PDE2A: variants seen among roughly 807,000 people sequenced by gnomAD.
PDE2A encodes phosphodiesterase 2A.
PDE2A carries 53 observed loss-of-function variants against 133.6 expected under a neutral mutation model. The ratio of observed to expected loss-of-function variants is 0.40; its 90% CI spans 0.32 to 0.50. The LOEUF (loss-of-function observed/expected upper bound fraction) is 0.50. PDE2A is among the 20% of genes least tolerant of loss of function. The probability of loss-of-function intolerance (pLI) is 0.73; values close to 1 mark genes in which losing one functional copy is unlikely to be tolerated. For synonymous variants in PDE2A, 491 were observed against 490.2 expected (o/e 1.00, Z -0.02); for missense variants, 796 against 1,232.4 (o/e 0.65, Z 5.30).
chr11:72,578,458 G>A lies in PDE2A; in HGVS notation c.2508+18C>T. On this transcript the variant is annotated intron_variant, in intron 29 of 30. Coordinates refer to ENST00000334456, the MANE Select transcript of PDE2A (RefSeq NM_002599.5). This position sits in a 1 kb window ranked among gnomAD's most constrained non-coding sequence, Gnocchi z 4.2. ...ACCCTCCCCCATCCTGGACATCCTG[G>A]GGTCACTCCACACATACCAGGTCTC... 1 of 1,611,054 alleles carries A rather than the reference G, an allele frequency of 6.2e-7. No homozygotes were observed. The highest frequency in any genetic ancestry group is 8.5e-7 in the Non-Finnish European group (1 of 1,177,218).
At chr11:72,651,149 G>A (rs1051033687) in intron 1 of PDE2A, among the ~76,000 whole-genome samples, 13 of 152,286 alleles carry the variant, frequency 8.5e-5, no homozygotes, top group African/African-American at 2.9e-4. Flanking sequence ...CAAAAAGTCT[G>A]TTTTTCTTAC....
intron 20 of PDE2A, among the ~76,000 whole-genome samples, chr11:72,583,134 G>A (rs531974162): frequency 3.9e-5 from 6 of 152,340 alleles, no homozygotes; most frequent in Admixed American, 2.6e-4. Context: ...TCCTGGGTGA[G>A]CTTCCTAGCC....
chr11:72,615,094 C>T (rs746593019), intron 2 of PDE2A: 6 of 518,036 alleles, frequency 1.2e-5, no homozygotes, highest in African/African-American at 3.9e-5. Flanking sequence ...CTCCAGCCTC[C>T]GAGCCACACT....
chr11:72,617,922 G>A (rs1857555769), intron 2 of PDE2A, among the ~76,000 whole-genome samples: 1 of 152,200 alleles, frequency 6.6e-6, no homozygotes, highest in Non-Finnish European at 1.5e-5. Flanking sequence ...GTTGGGATAA[G>A]CAATCTTCTG....
At chr11:72,596,742 CAA>C (rs1424686540) in intron 5 of PDE2A, 94 bp from the exon 6 acceptor site, 1 of 689,744 alleles carries the variant, frequency 1.4e-6, no homozygotes, top group African/African-American at 1.9e-5. Flanking sequence ...AAGATGCAGA[CAA>C]AGAGAGGCCA....
rs921230420 is a variant in PDE2A, at chr11:72,577,156, A to G, written c.*228T>C. 9.2e-6 allele frequency: 5 copies of G among 543,646 alleles called. No homozygotes were observed. The Admixed American group carries it at 1.6e-4, about 17-fold the overall frequency. 33.7% of individuals were successfully genotyped at this position (543,646 alleles called of 1,614,324 possible). A position where few individuals can be genotyped will look rare whatever the true frequency, so the allele number is the denominator to read the frequency against. ...GAGTAGGGCCCACTGCTCATTGGTC[A>G]CCCCTGTGCTCTCAGAAAACAAATT... On this transcript the variant is annotated 3_prime_UTR_variant, in exon 31 of 31. Transcript: ENST00000334456.
intron 1 of PDE2A, among the ~76,000 whole-genome samples, chr11:72,658,854 GT>G (rs2135455667): frequency 6.6e-6 from 1 of 151,754 alleles, no homozygotes; most frequent in South Asian, 2.1e-4. Flanking sequence ...TCAGCACCGA[GT>G]CTTCTAATTT....
intron 1 of PDE2A, 124 bp downstream of exon 1, chr11:72,674,013 A>C: frequency 1.1e-6 from 1 of 938,590 alleles, no homozygotes; most frequent in Non-Finnish European, 1.6e-6. Flanking sequence ...GTGCCCAGGA[A>C]CAGGATCGAT....
intron 4 of PDE2A, among the ~76,000 whole-genome samples, chr11:72,599,385 C>A (rs1283728008): frequency 6.6e-6 from 1 of 152,078 alleles, no homozygotes; most frequent in Non-Finnish European, 1.5e-5. Context: ...GGCCCAGGGA[C>A]CCCCATACCA....
chr11:72,617,396 C>G (rs113695240), intron 2 of PDE2A, among the ~76,000 whole-genome samples: 2,810 of 152,220 alleles, frequency 0.018, 97 homozygotes, highest in African/African-American at 0.063. Flanking sequence ...GCTGGCTGCC[C>G]GGTGATGCCT....
At position 72,584,240 on chromosome 11, in the gene PDE2A, C is replaced by A; in HGVS notation, c.1611G>T (p.Ala537=). 1 of 1,612,564 alleles carries A rather than the reference C, an allele frequency of 6.2e-7. No homozygotes were observed. Among genetic ancestry groups the A allele is most frequent in the Admixed American group, 1.7e-5 (1 of 59,992 alleles). ...PWFSKFDEDL[A]TAFSIYCGIS... is the part of the protein sequence containing the mutation. Reference sequence around the variant, plus strand: ...TGCCGCAGTAGATGGAGAAGGCCGTCGCCAGGTCCTCGTCGAACTTGCTGA... The same window carrying A: ...TGCCGCAGTAGATGGAGAAGGCCGTAGCCAGGTCCTCGTCGAACTTGCTGA... The change falls in exon 19 of 31, where the codon GCG becomes GCT. Residue 537 remains alanine, a synonymous_variant. Coordinates refer to ENST00000334456, the MANE Select transcript of PDE2A (RefSeq NM_002599.5).
chr11:72,588,819 G>T lies in PDE2A; in HGVS notation c.1035C>A (p.Ala345=), dbSNP rs1207623943. The change falls in exon 13 of 31, where the codon GCC becomes GCA. Residue 345 remains alanine, a synonymous_variant. Transcript: ENST00000334456. ...CTAGCTTGTTGAAGGCGCAGGCCAAGGCCACCACCTGGTCAGTGGCCCGGC... is the reference window on the plus strand; with the variant it reads ...CTAGCTTGTTGAAGGCGCAGGCCAATGCCACCACCTGGTCAGTGGCCCGGC... ...VISRATDQVV[A]LACAFNKLEG... 1 of 1,610,136 alleles carries T rather than the reference G, an allele frequency of 6.2e-7. No homozygotes were observed. Among genetic ancestry groups the T allele is most frequent in the South Asian group, 1.1e-5 (1 of 90,874 alleles).
Position 72,582,433 on chromosome 11 carries a change from G to A in PDE2A, c.1851+11C>T. The A allele has an allele frequency of 6.2e-7, 1 of 1,613,214 alleles. No homozygotes were observed. Among genetic ancestry groups the A allele is most frequent in the South Asian group, 1.1e-5 (1 of 90,946 alleles). On this transcript the variant is annotated intron_variant, in intron 21 of 30. Coordinates refer to ENST00000334456, the MANE Select transcript of PDE2A (RefSeq NM_002599.5). ...TCGGCCTGGCCAGTCAAGTGGAGGA[G>A]AGCAACTCACCATGGACGTGTCATC...
In PDE2A at chr11:72,598,765, C is replaced by G. The variant is rs376943884; in HGVS notation, c.324-1146G>C. The G allele has an allele frequency of 2.4e-5, 24 of 985,400 alleles. No homozygotes were observed. In the East Asian group the frequency reaches 6.8e-4, roughly 28 times the overall value. 61.0% of individuals were successfully genotyped at this position (985,400 alleles called of 1,614,324 possible). On this transcript the variant is annotated intron_variant, in intron 4 of 30. Transcript: ENST00000334456. ...ATCGAGGACCAAAGAGGTTGAGCAT[C>G]TCGTTCAAGCTCACGCAGCATTCTG...
Position 72,579,523 on chromosome 11 carries a change from A to AC in PDE2A, c.2256+10_2256+11insG. 9 of 973,690 alleles carry AC rather than the reference A, an allele frequency of 9.2e-6. No homozygotes were observed. Among genetic ancestry groups the AC allele is most frequent in the Non-Finnish European group, 1.4e-5 (9 of 666,422 alleles). 60.3% of individuals were successfully genotyped at this position (973,690 alleles called of 1,614,324 possible). Reference sequence around the variant, plus strand: ...CCCCCTCAATCCCCACCCCACCCCCAACCCCATCACCTTCCGGGAGAAATG... The same window carrying AC: ...CCCCCTCAATCCCCACCCCACCCCCACACCCCATCACCTTCCGGGAGAAATG... On this transcript the variant is annotated intron_variant, in intron 26 of 30. Coordinates refer to ENST00000334456, the MANE Select transcript of PDE2A (RefSeq NM_002599.5).
At chr11:72,634,353 C>T (rs758061706) in intron 2 of PDE2A, among the ~76,000 whole-genome samples, 3 of 152,198 alleles carry the variant, frequency 2.0e-5, no homozygotes, top group Non-Finnish European at 4.4e-5. Flanking sequence ...TGGACAGAGG[C>T]TCTGCTCCCT....
At chr11:72,623,626 C>T (rs1857896363) in intron 2 of PDE2A, among the ~76,000 whole-genome samples, 1 of 152,120 alleles carries the variant, frequency 6.6e-6, no homozygotes, top group African/African-American at 2.4e-5. Flanking sequence ...GCCTCCTTGT[C>T]CTCCCACCCC....
rs1856538007 is a variant in PDE2A, at chr11:72,597,465, C to G, written c.433+45G>C. ...GACCTGGAGTGCAGGGGCCACAGTC[C>G]CTCCCTGCCCCTGCCCCTGCCCCTG... On this transcript the variant is annotated intron_variant, in intron 5 of 30. Coordinates refer to ENST00000334456, the MANE Select transcript of PDE2A (RefSeq NM_002599.5). This position sits in a 1 kb window ranked among gnomAD's most constrained non-coding sequence, Gnocchi z 4.6. 1 of 1,053,482 alleles carries G rather than the reference C, an allele frequency of 9.5e-7. No individual in the cohort carries two copies. The highest frequency in any genetic ancestry group is 1.3e-5 in the South Asian group (1 of 78,256). The allele number at this position is 1,053,482 out of a possible 1,614,324, so 65.3% of individuals were successfully genotyped here. A position where few individuals can be genotyped will look rare whatever the true frequency, so the allele number is the denominator to read the frequency against.
intron 1 of PDE2A, among the ~76,000 whole-genome samples, chr11:72,661,415 TG>T (rs367991724): frequency 5.3e-5 from 8 of 151,954 alleles, no homozygotes; most frequent in South Asian, 2.1e-4. Context: ...TCCAGTTTTT[TG>T]GGGGGGTTTT....
Sources: gnomAD v4.1 joint callset for allele counts (sites outside exome capture counted in the v4.1 genomes callset) on GRCh38, gnomAD v4.1.1 for gene constraint, Gnocchi (gnomAD v3.1) non-coding constraint, MANE v1.5 for transcripts, NCBI Gene and HGNC (gene_info 2026-07-23, HGNC 2026-07-21) for gene names.